Variants in LRFN2 observed in about 807,000 individuals in gnomAD.
LRFN2 encodes the protein leucine rich repeat and fibronectin type III domain containing 2.
A neutral mutation model predicts 37.3 loss-of-function variants in LRFN2; 18 were observed. The observed-to-expected ratio is 0.48, with a 90% CI of 0.33 to 0.72. The LOEUF is 0.72. Among genes scored for constraint, LRFN2 ranks in the 30% least tolerant of loss-of-function variants. The probability of loss-of-function intolerance (pLI) is 0.02; values close to 1 mark genes in which losing one functional copy is unlikely to be tolerated. For missense variants in LRFN2, 1,006 were observed against 1,060.7 expected (o/e 0.95, Z 0.72); for synonymous variants, 556 against 466.6 (o/e 1.19, Z -2.47).
At chr6:40,440,982 A>C (rs1763821914) in intron 1 of LRFN2, among the ~76,000 whole-genome samples, 1 of 152,222 alleles carries the variant, frequency 6.6e-6, no homozygotes, top group South Asian at 2.1e-4. Context: ...GTCATTATAT[A>C]AGGGACCAAC....
At chr6:40,577,486 G>A (rs543481687) in intron 1 of LRFN2, among the ~76,000 whole-genome samples, 2 of 151,586 alleles carry the variant, frequency 1.3e-5, no homozygotes, top group African/African-American at 2.4e-5. Context: ...ACATTGTGCA[G>A]GTTAGTTACA....
chr6:40,570,229 T>C lies in LRFN2; in HGVS notation c.-19+16712A>G, dbSNP rs143525504. 2.0e-5 allele frequency among the ~76,000 whole-genome samples: 3 copies of C among 152,292 alleles called. No homozygotes were observed. The East Asian group carries it at 5.8e-4, about 29-fold the overall frequency. On this transcript the variant is annotated intron_variant, in intron 1 of 2. Transcript: ENST00000338305. ...CCAGGTGTCTCAGCCAATCATCAAA[T>C]ATTTATTGAGCTGGGCACTATTCTA...
intron 1 of LRFN2, among the ~76,000 whole-genome samples, chr6:40,521,604 C>A (rs1285266596): frequency 1.3e-5 from 2 of 152,210 alleles, no homozygotes; most frequent in African/African-American, 4.8e-5. Flanking sequence ...CACTAAACAG[C>A]AACAAGATGC....
chr6:40,556,752 C>CACAG (rs57030480), intron 1 of LRFN2, among the ~76,000 whole-genome samples: 1 of 110,636 alleles, frequency 9.0e-6, no homozygotes, highest in Non-Finnish European at 2.0e-5. Context: ...CACACACACA[C>CACAG]GCACACACTC....
At chr6:40,421,335 G>A (rs1008923595) in intron 2 of LRFN2, among the ~76,000 whole-genome samples, 4 of 152,190 alleles carry the variant, frequency 2.6e-5, no homozygotes, top group African/African-American at 9.7e-5. Flanking sequence ...GGGGGTCCTG[G>A]AGACACGTGC....
intron 1 of LRFN2, among the ~76,000 whole-genome samples, chr6:40,493,105 C>G (rs1765131774): frequency 6.6e-6 from 1 of 152,098 alleles, no homozygotes; most frequent in African/African-American, 2.4e-5. Flanking sequence ...CTGGTGACAT[C>G]TCAGAAAGGA....
intron 1 of LRFN2, among the ~76,000 whole-genome samples, chr6:40,562,360 A>T (rs1767013327): frequency 6.6e-6 from 1 of 151,970 alleles, no homozygotes; most frequent in Non-Finnish European, 1.5e-5. Flanking sequence ...ATGCAGACCT[A>T]AGGGCCCTAG....
In LRFN2 at chr6:40,432,705, C is replaced by T; in HGVS notation, c.409G>A (p.Gly137Ser). Residue 137 changes from glycine (G) to serine (S), a missense_variant, in exon 2 of 3, where the codon GGC becomes AGC. This residue lies in a region of LRFN2 where 185 missense variants were observed against 254.9 expected (regional missense o/e 0.73). Transcript: ENST00000338305. Reference protein sequence around the residue: ...QHLIVNNNQLGGIADEAFEDF... With the variant: ...QHLIVNNNQLSGIADEAFEDF... The stretch of plus-strand genomic sequence containing the variant: ...TCAAAAGCCTCATCTGCGATGCCGC[C>T]CAGCTGGTTGTTGTTCACGATAAGG... 1 of 1,614,166 alleles carries T rather than the reference C, an allele frequency of 6.2e-7. No homozygotes were observed. Among genetic ancestry groups the T allele is most frequent in the Non-Finnish European group, 8.5e-7 (1 of 1,180,032 alleles).
intron 1 of LRFN2, among the ~76,000 whole-genome samples, chr6:40,490,448 A>G (rs559154118): frequency 1.3e-5 from 2 of 152,268 alleles, no homozygotes; most frequent in South Asian, 4.1e-4. Flanking sequence ...AGCCACCCTC[A>G]GAGCCCTGTG....
At chr6:40,499,619 CT>C (rs1765323275) in intron 1 of LRFN2, among the ~76,000 whole-genome samples, 1 of 152,162 alleles carries the variant, frequency 6.6e-6, no homozygotes, top group African/African-American at 2.4e-5. Context: ...TGGTTTCTCT[CT>C]TTTCCCCAGC....
intron 2 of LRFN2, among the ~76,000 whole-genome samples, chr6:40,416,097 C>A (rs1367170820): frequency 4.6e-5 from 7 of 152,206 alleles, no homozygotes; most frequent in Non-Finnish European, 1.0e-4. Context: ...CAACCTCTGC[C>A]TCCTGGGTTC....
At chr6:40,522,373 A>G (rs1766103213) in intron 1 of LRFN2, among the ~76,000 whole-genome samples, 1 of 152,140 alleles carries the variant, frequency 6.6e-6, no homozygotes, top group African/African-American at 2.4e-5. Flanking sequence ...CAATTTTGCA[A>G]GAAGAAAAGG....
At chr6:40,469,945 C>G (rs748076634) in intron 1 of LRFN2, among the ~76,000 whole-genome samples, 3 of 152,250 alleles carry the variant, frequency 2.0e-5, no homozygotes, top group Non-Finnish European at 2.9e-5. Context: ...CTACCCACAG[C>G]TGGGTCCTCA....
chr6:40,547,128 G>A (rs1766678888), intron 1 of LRFN2, among the ~76,000 whole-genome samples: 1 of 140,518 alleles, frequency 7.1e-6, no homozygotes, highest in Non-Finnish European at 1.5e-5. Context: ...TTTTGAGATA[G>A]AGTTTTGCTC....
intron 2 of LRFN2, among the ~76,000 whole-genome samples, chr6:40,410,808 G>A (rs1762950488): frequency 6.6e-6 from 1 of 152,208 alleles, no homozygotes; most frequent in Non-Finnish European, 1.5e-5. Flanking sequence ...ATGGGCAGAG[G>A]AGCCTTCCTA....
At position 40,523,505 on chromosome 6, in the gene LRFN2, A is replaced by ATTTTTT. The variant is rs751179915; in HGVS notation, c.-19+63430_-19+63435dup. 8.5e-5 allele frequency among the ~76,000 whole-genome samples: 11 copies of ATTTTTT among 129,314 alleles called. 5 individuals carry two copies. The highest frequency in any genetic ancestry group is 1.2e-4 in the Non-Finnish European group (7 of 60,438). The allele number at this position is 129,314 out of a possible 152,430, so 84.8% of individuals were successfully genotyped here. A position where few individuals can be genotyped will look rare whatever the true frequency, so the allele number is the denominator to read the frequency against. On this transcript the variant is annotated intron_variant, in intron 1 of 2. Coordinates refer to ENST00000338305, the MANE Select transcript of LRFN2 (RefSeq NM_020737.3). The stretch of plus-strand genomic sequence containing the variant: ...TAGGACCCTAAAGCATCTTTAGGTG[A>ATTTTTT]TTTTTTTTTTTTTTTTTTTTTTTTT...
chr6:40,490,603 T>C (rs1280232999), intron 1 of LRFN2, among the ~76,000 whole-genome samples: 4 of 152,202 alleles, frequency 2.6e-5, no homozygotes, highest in African/African-American at 4.8e-5. Context: ...GCCGATTCCC[T>C]GCTCTCCTCT....
intron 2 of LRFN2, among the ~76,000 whole-genome samples, chr6:40,399,776 T>A (rs937546421): frequency 1.4e-4 from 21 of 151,930 alleles, no homozygotes; most frequent in Non-Finnish European, 2.2e-4. Flanking sequence ...TGTTCTTTTA[T>A]TTCTGACTGA....
chr6:40,396,530 G>T (rs923699792), intron 2 of LRFN2, among the ~76,000 whole-genome samples: 1 of 152,172 alleles, frequency 6.6e-6, no homozygotes, highest in African/African-American at 2.4e-5. Context: ...GTGTAACAAG[G>T]CAAGGCTGAT....
Sources: allele counts gnomAD v4.1 joint callset (sites outside exome capture counted in the v4.1 genomes callset), GRCh38; gene constraint gnomAD v4.1.1; regional missense constraint gnomAD v4.1.1; transcripts MANE v1.5; gene names NCBI Gene and HGNC (gene_info 2026-07-23, HGNC 2026-07-21).